Variants in GSG1L observed in about 807,000 individuals in gnomAD.
The protein encoded by GSG1L is GSG1 like, also known as germ cell-specific gene 1-like protein.
GSG1L carries 24 observed loss-of-function variants against 42.1 expected under a neutral mutation model. The ratio of observed to expected loss-of-function variants is 0.57; its 90% CI spans 0.41 to 0.80. The LOEUF (loss-of-function observed/expected upper bound fraction) is 0.80, where lower values mean the gene tolerates loss of function less well. Among genes scored for constraint, GSG1L ranks in the 30% least tolerant of loss-of-function variants. The pLI, the probability that GSG1L is intolerant of heterozygous loss-of-function variation, is 0.00. For synonymous variants in GSG1L, 215 were observed against 203.5 expected, an observed-to-expected ratio of 1.06 and a Z score of -0.48; for missense variants, 445 against 472.2, an observed-to-expected ratio of 0.94 and a Z score of 0.53.
At chr16:27,848,575 G>A (rs772968) in intron 3 of GSG1L, among the ~76,000 whole-genome samples, 79,938 of 151,944 alleles carry the variant, frequency 0.53, 21,065 homozygotes, top group Admixed American at 0.59. Context: ...ATAGATGGGC[G>A]GATGTCCTGC....
intron 5 of GSG1L, among the ~76,000 whole-genome samples, chr16:27,809,591 AC>A (rs748779484): frequency 0.02 from 2,930 of 146,132 alleles, 107 homozygotes; most frequent in African/African-American, 0.071. Context: ...AAAAAAAAAA[AC>A]CAATCATTAT....
intron 2 of GSG1L, among the ~76,000 whole-genome samples, chr16:27,912,454 C>T (rs939220010): frequency 5.9e-5 from 9 of 152,244 alleles, no homozygotes; most frequent in African/African-American, 2.2e-4. Flanking sequence ...GAGGTTGAGG[C>T]TGCAGTGATC....
At chr16:27,903,636 G>GC (rs1007966049) in intron 2 of GSG1L, among the ~76,000 whole-genome samples, 5 of 152,102 alleles carry the variant, frequency 3.3e-5, no homozygotes, top group Admixed American at 6.5e-5. Context: ...ATGCTCAGAT[G>GC]CCCCCCCTTG....
chr16:27,803,796 G>GATATATAT (rs879523842), intron 6 of GSG1L, among the ~76,000 whole-genome samples: 6 of 73,824 alleles, frequency 8.1e-5, no homozygotes, highest in Admixed American at 2.3e-4. Flanking sequence ...TATATATATA[G>GATATATAT]ATAGATAGAT....
chr16:28,063,383 G>T lies in GSG1L; in HGVS notation c.42C>A (p.Ala14=). Residue 14 remains alanine, a synonymous_variant, in exon 1 of 7, where the codon GCC becomes GCA. Coordinates refer to ENST00000447459, the MANE Select transcript of GSG1L (RefSeq NM_001109763.2). The surrounding 1 kb of genome is among the most constrained non-coding windows in gnomAD (Gnocchi z 5.8). ...CGAACAGCAGCGCCAGCAGGTTCAG[G>T]GCCACGGCCAGGAGCGCTCGGCCGC... ...SRRGRALLAV[A]LNLLALLFAT... 1.4e-6 allele frequency: 2 copies of T among 1,381,336 alleles called. No individual in the cohort carries two copies. Among genetic ancestry groups the T allele is most frequent in the Non-Finnish European group, 9.4e-7 (1 of 1,058,472 alleles). The allele number at this position is 1,381,336 out of a possible 1,614,324, so 85.6% of individuals were successfully genotyped here.
At chr16:27,839,068 C>A (rs1363427338) in intron 4 of GSG1L, among the ~76,000 whole-genome samples, 1 of 152,194 alleles carries the variant, frequency 6.6e-6, no homozygotes, top group Non-Finnish European at 1.5e-5. Flanking sequence ...GCTGGAATAC[C>A]AGCTAACCCC....
At chr16:28,033,195 C>T (rs1448896692) in intron 1 of GSG1L, among the ~76,000 whole-genome samples, 2 of 152,152 alleles carry the variant, frequency 1.3e-5, no homozygotes, top group Admixed American at 1.3e-4. Context: ...CTTGCTGGAC[C>T]ACTTCTTCCC....
rs113395414 is a variant in GSG1L at position 27,802,048 on chromosome 16, C to T, written c.898+5439G>A. Among the ~76,000 whole-genome samples the T allele has an allele frequency of 3.8e-3, 576 of 152,178 alleles. 4 individuals carry two copies. The highest frequency in any genetic ancestry group is 6.9e-3 in the Non-Finnish European group (467 of 67,998). ...GGGGTATCACCCTGGCTAAGTCCCC[C>T]CTTCCTGCTTTCCCTTTCCTGCACC... On this transcript the variant is annotated intron_variant, in intron 6 of 6. Transcript: ENST00000447459.
chr16:27,904,583 T>G (rs926243224), intron 2 of GSG1L, among the ~76,000 whole-genome samples: 1 of 152,090 alleles, frequency 6.6e-6, no homozygotes, highest in African/African-American at 2.4e-5. Flanking sequence ...TGGTTTCCCA[T>G]CATACTCAAA....
intron 1 of GSG1L, among the ~76,000 whole-genome samples, chr16:27,994,802 A>T (rs2085496128): frequency 6.6e-6 from 1 of 152,132 alleles, no homozygotes; most frequent in Admixed American, 6.5e-5. Flanking sequence ...TTCTAGGCCC[A>T]CTCCAGGCTG....
chr16:28,063,438 C>T lies in GSG1L; in HGVS notation c.-14G>A. On this transcript the variant is annotated 5_prime_UTR_variant, in exon 1 of 7. Coordinates refer to ENST00000447459, the MANE Select transcript of GSG1L (RefSeq NM_001109763.2). The surrounding 1 kb of genome is among the most constrained non-coding windows in gnomAD (Gnocchi z 5.8). The stretch of plus-strand genomic sequence containing the variant: ...GCTAGTCTTCATGCCGCCCGCGCCG[C>T]CGGGACGGGACTGCACCGCCGGGGA... 1 of 1,246,730 alleles carries T rather than the reference C, an allele frequency of 8.0e-7. No homozygotes were observed. The highest frequency in any genetic ancestry group is 1.0e-6 in the Non-Finnish European group (1 of 990,600). 77.2% of individuals were successfully genotyped at this position (1,246,730 alleles called of 1,614,324 possible).
At chr16:28,010,829 C>T (rs1001477964) in intron 1 of GSG1L, among the ~76,000 whole-genome samples, 1 of 152,166 alleles carries the variant, frequency 6.6e-6, no homozygotes, top group African/African-American at 2.4e-5. Flanking sequence ...TCCCACAGGA[C>T]GGTGATTGCA....
chr16:27,929,273 C>A (rs931000005), intron 2 of GSG1L, among the ~76,000 whole-genome samples: 2 of 152,200 alleles, frequency 1.3e-5, no homozygotes, highest in South Asian at 4.1e-4. Context: ...GGGAACTATG[C>A]CTCCCCAACC....
intron 2 of GSG1L, among the ~76,000 whole-genome samples, chr16:27,934,805 T>C (rs1033651645): frequency 6.6e-6 from 1 of 152,134 alleles, no homozygotes; most frequent in Non-Finnish European, 1.5e-5. Flanking sequence ...ACCTATTTCC[T>C]GGGGCTGTTG....
At chr16:28,013,932 G>T (rs187660378) in intron 1 of GSG1L, among the ~76,000 whole-genome samples, 2 of 152,328 alleles carry the variant, frequency 1.3e-5, no homozygotes, top group African/African-American at 4.8e-5. Flanking sequence ...CACTGACAAC[G>T]ACCAGGGTGC....
intron 2 of GSG1L, among the ~76,000 whole-genome samples, chr16:27,962,174 A>C (rs1325891145): frequency 6.6e-6 from 1 of 152,174 alleles, no homozygotes; most frequent in African/African-American, 2.4e-5. Context: ...TCCTGTGTCC[A>C]TTCTCTTGTT....
intron 2 of GSG1L, 38 bp downstream of exon 2, chr16:27,963,118 G>C (rs766899981): frequency 3.9e-5 from 61 of 1,575,738 alleles, no homozygotes; most frequent in East Asian, 1.3e-4. Flanking sequence ...TCCCCAGAGA[G>C]AGCAGAGCTG....
chr16:27,950,636 C>G (rs1002550217), intron 2 of GSG1L, among the ~76,000 whole-genome samples: 1 of 151,988 alleles, frequency 6.6e-6, no homozygotes, highest in African/African-American at 2.4e-5. Context: ...CCTCGGAAGC[C>G]TAGAGGCTGA....
intron 1 of GSG1L, among the ~76,000 whole-genome samples, chr16:28,020,423 AC>A (rs1184373691): frequency 6.6e-6 from 1 of 152,222 alleles, no homozygotes. Context: ...CATTTCTGAA[AC>A]AATAACGATA....
Sources: allele counts gnomAD v4.1 joint callset (sites outside exome capture counted in the v4.1 genomes callset), GRCh38; gene constraint gnomAD v4.1.1; non-coding constraint Gnocchi (gnomAD v3.1); transcripts MANE v1.5; gene names NCBI Gene and HGNC (gene_info 2026-07-23, HGNC 2026-07-21).